Variants in TAGLN observed in about 807,000 individuals in gnomAD.
TAGLN encodes transgelin.
In TAGLN, 16 loss-of-function variants were observed where a neutral mutation model predicts 21.9. The observed-to-expected ratio is 0.73, with a 90% confidence interval of 0.49 to 1.11. TAGLN has a LOEUF of 1.11. TAGLN is among the 50% of genes least tolerant of loss of function. The pLI is 0.00. For missense variants in TAGLN, 248 were observed against 263.2 expected (o/e 0.94, Z 0.40); for synonymous variants, 96 against 94.9 (o/e 1.01, Z -0.06).
Position 117,204,794 on chromosome 11 carries a change from G to T in TAGLN, c.*435G>T. 1 of 311,626 alleles carries T rather than the reference G, an allele frequency of 3.2e-6. No homozygotes were observed. The highest frequency in any genetic ancestry group is 3.5e-5 in the South Asian group (1 of 28,264). The allele number at this position is 311,626 out of a possible 1,614,324, so 19.3% of individuals were successfully genotyped here. On this transcript the variant is annotated 3_prime_UTR_variant, in exon 5 of 5. Transcript: ENST00000392951. ...AAAAAAAAAATCAATCTTTTCTCAG[G>T]CCTGGCTGGCAGAGTTTGATTTGCC...
In TAGLN at chr11:117,205,162, T is replaced by TA. The variant is rs2031294379; in HGVS notation, c.*811dup. On this transcript the variant is annotated 3_prime_UTR_variant, in exon 5 of 5. Coordinates refer to ENST00000392951, the MANE Select transcript of TAGLN (RefSeq NM_003186.5). ...AAAGAGAAAAACAAATCTTAAGCAT[T>TA]AAAAAAAATTCAACCAACTAGCTCA... is the stretch of plus-strand genomic sequence containing the variant. 4.3e-5 allele frequency: 10 copies of TA among 232,284 alleles called. No individual in the cohort carries two copies. The highest frequency in any genetic ancestry group is 1.8e-4 in the South Asian group (1 of 5,518). 14.4% of individuals were successfully genotyped at this position (232,284 alleles called of 1,614,324 possible). A position where few individuals can be genotyped will look rare whatever the true frequency, so the allele number is the denominator to read the frequency against.
chr11:117,204,305 G>A lies in TAGLN; in HGVS notation c.552G>A (p.Gly184=), dbSNP rs1591781284. ...VIGLQMGSNR[G]ASQAGMTGYG... is the part of the protein sequence containing the mutation. Reference sequence around the variant, plus strand: ...GCCTTCAGATGGGCAGCAACAGAGGGGCCTCCCAGGCCGGCATGACAGGCT... The same window carrying A: ...GCCTTCAGATGGGCAGCAACAGAGGAGCCTCCCAGGCCGGCATGACAGGCT... Residue 184 remains glycine (G), a synonymous_variant, in exon 5 of 5, where the codon GGG becomes GGA. Coordinates refer to ENST00000392951, the MANE Select transcript of TAGLN (RefSeq NM_003186.5). 1 of 1,614,230 alleles carries A rather than the reference G, an allele frequency of 6.2e-7. No homozygotes were observed. The highest frequency in any genetic ancestry group is 2.2e-5 in the East Asian group (1 of 44,882).
rs1386435668 is a variant in TAGLN, at chr11:117,205,135, G to GA, written c.*780dup. ...AAAAAATTCAAGAAAATGTTGCTGT[G>GA]AAAAGAGAAAAACAAATCTTAAGCA... On this transcript the variant is annotated 3_prime_UTR_variant, in exon 5 of 5. Coordinates refer to ENST00000392951, the MANE Select transcript of TAGLN (RefSeq NM_003186.5). 1 of 231,556 alleles carries GA rather than the reference G, an allele frequency of 4.3e-6. No homozygotes were observed. The highest frequency in any genetic ancestry group is 2.2e-5 in the African/African-American group (1 of 45,196). 14.3% of individuals were successfully genotyped at this position (231,556 alleles called of 1,614,324 possible).
At position 117,203,246 on chromosome 11, in the gene TAGLN, G is replaced by A; in HGVS notation, c.180+53G>A. ...GGGGGGCTGGGGTGTGCCACCCTGT[G>A]AGTCCTGGGCCAATCCCTGAGCTGA... On this transcript the variant is annotated intron_variant, in intron 2 of 4. Transcript: ENST00000392951. This position sits in a 1 kb window ranked among gnomAD's most constrained non-coding sequence, Gnocchi z 4.4. 2 of 1,599,274 alleles carry A rather than the reference G, an allele frequency of 1.3e-6. No homozygotes were observed. The highest frequency in any genetic ancestry group is 8.6e-7 in the Non-Finnish European group (1 of 1,168,876).
In TAGLN at chr11:117,204,549, AC is replaced by A. The variant is rs1338770391; in HGVS notation, c.*193del. 3.5e-6 allele frequency: 3 copies of A among 846,706 alleles called. No homozygotes were observed. In the African/African-American group the frequency reaches 5.0e-5, roughly 14 times the overall value. 52.4% of individuals were successfully genotyped at this position (846,706 alleles called of 1,614,324 possible). ...GCCCCCAGCCTCAGCCCAACTTCTT[AC>A]CCGAAAGCATCACTGCCTTGGCCCC... On this transcript the variant is annotated 3_prime_UTR_variant, in exon 5 of 5. Coordinates refer to ENST00000392951, the MANE Select transcript of TAGLN (RefSeq NM_003186.5).
rs473093 is a variant in TAGLN, at chr11:117,206,223, C to G, written c.*1864C>G. 5.0e-6 allele frequency: 8 copies of G among 1,613,656 alleles called. No homozygotes were observed. The South Asian group carries it at 8.8e-5, about 18-fold the overall frequency. ...CTCTGTCCCTTCCTCCTTGGCTTTC[C>G]GGCTCCGATGGGGCCAGTGGCAGGG... On this transcript the variant is annotated 3_prime_UTR_variant, in exon 5 of 5. Coordinates refer to ENST00000392951, the MANE Select transcript of TAGLN (RefSeq NM_003186.5).
In TAGLN at chr11:117,203,884, A is replaced by C. The variant is rs747751212; in HGVS notation, c.461A>C (p.Lys154Thr). The C allele has an allele frequency of 6.2e-7, 1 of 1,613,382 alleles. No individual in the cohort carries two copies. The highest frequency in any genetic ancestry group is 8.5e-7 in the Non-Finnish European group (1 of 1,179,472). ...CGTGGAGATCCCAACTGGTTTATGA[A>C]GTATGTGGCCCCCAGGGAGCTTGGG... ...HYRGDPNWFMKKAQEHKREFT... is the reference protein window; with the variant it reads ...HYRGDPNWFMTKAQEHKREFT... The change falls in exon 4 of 5, where the codon AAG (lysine) becomes ACG (threonine). Residue 154 changes from lysine to threonine, a missense_variant and splice_region_variant. Transcript: ENST00000392951. This position sits in a 1 kb window ranked among gnomAD's most constrained non-coding sequence, Gnocchi z 4.4.
chr11:117,204,044 C>T (rs147514901), intron 4 of TAGLN, 160 bp downstream of exon 4: 1 of 1,121,414 alleles, frequency 8.9e-7, no homozygotes, highest in Non-Finnish European at 1.3e-6. Context: ...TGACCCCTCC[C>T]TTTCCACCCT....
At position 117,204,311 on chromosome 11, in the gene TAGLN, C is replaced by G. The variant is rs1466492941; in HGVS notation, c.558C>G (p.Ser186=). 2.5e-6 allele frequency: 4 copies of G among 1,614,252 alleles called. No individual in the cohort carries two copies. Among genetic ancestry groups the G allele is most frequent in the South Asian group, 1.1e-5 (1 of 91,092 alleles). ...AGATGGGCAGCAACAGAGGGGCCTC[C>G]CAGGCCGGCATGACAGGCTACGGAC... ...GLQMGSNRGA[S]QAGMTGYGRP... The change falls in exon 5 of 5, where the codon TCC becomes TCG. Residue 186 remains serine (S), a synonymous_variant. Transcript: ENST00000392951.
rs1242127 is a variant in TAGLN at position 117,205,848 on chromosome 11, A to C, written c.*1489A>C. The C allele has an allele frequency of 1.6e-6, 1 of 633,344 alleles. No homozygotes were observed. Among genetic ancestry groups the C allele is most frequent in the East Asian group, 3.1e-5 (1 of 31,772 alleles). The allele number at this position is 633,344 out of a possible 1,614,324, so 39.2% of individuals were successfully genotyped here. A position where few individuals can be genotyped will look rare whatever the true frequency, so the allele number is the denominator to read the frequency against. On this transcript the variant is annotated 3_prime_UTR_variant, in exon 5 of 5. Coordinates refer to ENST00000392951, the MANE Select transcript of TAGLN (RefSeq NM_003186.5). ...CAGACTTCTCTGGCAGCAATCCTCC[A>C]CCATTTGTATCTTAAGAAGGCCCTC... is the stretch of plus-strand genomic sequence containing the variant.
rs1048922719 is a variant in TAGLN at position 117,205,484 on chromosome 11, A to C, written c.*1125A>C. On this transcript the variant is annotated 3_prime_UTR_variant, in exon 5 of 5. Coordinates refer to ENST00000392951, the MANE Select transcript of TAGLN (RefSeq NM_003186.5). ...GGGGTGGTGAAGGAGCCAGGGGTTC[A>C]TTCATGGTTGGTTTCTGATCAGGCA... 1.7e-5 allele frequency: 4 copies of C among 233,996 alleles called. No individual in the cohort carries two copies. The highest frequency in any genetic ancestry group is 8.8e-5 in the African/African-American group (4 of 45,346). The allele number at this position is 233,996 out of a possible 1,614,324, so 14.5% of individuals were successfully genotyped here. A position where few individuals can be genotyped will look rare whatever the true frequency, so the allele number is the denominator to read the frequency against.
rs1314688500 is a variant in TAGLN, at chr11:117,207,222, GGCCCTGCCC to G, written c.*2872_*2880del. 1 of 754,916 alleles carries G rather than the reference GGCCCTGCCC, an allele frequency of 1.3e-6. No individual in the cohort carries two copies. Among genetic ancestry groups the G allele is most frequent in the Non-Finnish European group, 2.3e-6 (1 of 430,982 alleles). The allele number at this position is 754,916 out of a possible 1,614,324, so 46.8% of individuals were successfully genotyped here. On this transcript the variant is annotated 3_prime_UTR_variant, in exon 5 of 5. Transcript: ENST00000392951. ...TCTGTCAGCCATGCCAGACAGCAGA[GGCCCTGCCC>G]GCCCTGCCACCCAAAGGGGCTCAGG...
intron 1 of TAGLN, chr11:117,201,598 A>G (rs773470909): frequency 2.6e-5 from 4 of 152,244 alleles, no homozygotes; most frequent in Non-Finnish European, 5.9e-5. Flanking sequence ...GGTTGGTAAC[A>G]TAACCCCCAC....
rs111260216 is a variant in TAGLN, at chr11:117,200,826, T to A, written c.-13+1394T>A. On this transcript the variant is annotated intron_variant, in intron 1 of 4. Coordinates refer to ENST00000392951, the MANE Select transcript of TAGLN (RefSeq NM_003186.5). ...TGGAAGCTGGGGGTAGGGGACACAC[T>A]CTCCTTCCATCCTGTTCCTCAGGAG... Among the ~76,000 whole-genome samples, 286 of 152,026 alleles carry A rather than the reference T, an allele frequency of 1.9e-3. 1 individual carries two copies. The highest frequency in any genetic ancestry group is 3.2e-3 in the Non-Finnish European group (216 of 67,962).
intron 1 of TAGLN, among the ~76,000 whole-genome samples, chr11:117,200,501 G>T (rs1211016396): frequency 6.6e-6 from 1 of 152,124 alleles, no homozygotes; most frequent in Non-Finnish European, 1.5e-5. Context: ...GATGCCCCTG[G>T]GGGGGCCGCC....
Position 117,204,332 on chromosome 11 carries a change from C to CT in TAGLN, c.579_580insT (p.Gly194TrpfsTer31). 2.5e-6 allele frequency: 4 copies of CT among 1,614,228 alleles called. No individual in the cohort carries two copies. The highest frequency in any genetic ancestry group is 3.4e-6 in the Non-Finnish European group (4 of 1,180,044). ...CCTCCCAGGCCGGCATGACAGGCTA[C>CT]GGACGACCTCGGCAGATCATCAGTT... On this transcript the variant is annotated frameshift_variant, in exon 5 of 5. Coordinates refer to ENST00000392951, the MANE Select transcript of TAGLN (RefSeq NM_003186.5). LOFTEE classifies it high-confidence loss of function.
In TAGLN at chr11:117,206,307, A is replaced by G. The variant is rs747277360; in HGVS notation, c.*1948A>G. On this transcript the variant is annotated 3_prime_UTR_variant, in exon 5 of 5. Transcript: ENST00000392951. ...CCTCTGGCTCAAATATACTTCCAGC[A>G]TGTAGTAAACAGTCCAGAAGACGGT... The G allele has an allele frequency of 2.5e-6, 4 of 1,614,184 alleles. No individual in the cohort carries two copies. Among genetic ancestry groups the G allele is most frequent in the South Asian group, 2.2e-5 (2 of 91,090 alleles).
chr11:117,201,924 G>A (rs1294167955), intron 1 of TAGLN: 1 of 152,276 alleles, frequency 6.6e-6, no homozygotes, highest in African/African-American at 2.4e-5. Flanking sequence ...AGCACCCTAG[G>A]GTGACATCAG....
chr11:117,205,356 C>T lies in TAGLN; in HGVS notation c.*997C>T, dbSNP rs2031304954. On this transcript the variant is annotated 3_prime_UTR_variant, in exon 5 of 5. Transcript: ENST00000392951. Reference sequence around the variant, plus strand: ...CTCTCTCCTCCAACATGTGCATCTGCCATCTGCTCTGCAGTCCTGCCGCAG... The same window carrying T: ...CTCTCTCCTCCAACATGTGCATCTGTCATCTGCTCTGCAGTCCTGCCGCAG... The T allele has an allele frequency of 8.6e-6, 2 of 233,414 alleles. No homozygotes were observed. The highest frequency in any genetic ancestry group is 2.2e-5 in the African/African-American group (1 of 45,344). 14.5% of individuals were successfully genotyped at this position (233,414 alleles called of 1,614,324 possible). A position where few individuals can be genotyped will look rare whatever the true frequency, so the allele number is the denominator to read the frequency against.
Sources: allele counts gnomAD v4.1 joint callset (sites outside exome capture counted in the v4.1 genomes callset), GRCh38; gene constraint gnomAD v4.1.1; non-coding constraint Gnocchi (gnomAD v3.1); transcripts MANE v1.5; gene names NCBI Gene and HGNC (gene_info 2026-07-23, HGNC 2026-07-21).